The following ROBO1 variants were observed in gnomAD, a reference collection of about 807,000 sequenced individuals.
The protein encoded by ROBO1 is roundabout guidance receptor 1.
A neutral mutation model predicts 195.9 loss-of-function variants in ROBO1; 149 were observed. The ratio of observed to expected loss-of-function variants is 0.76; its 90% CI spans 0.67 to 0.87. The LOEUF (loss-of-function observed/expected upper bound fraction) is 0.87. Among genes scored for constraint, ROBO1 ranks in the 40% least tolerant of loss-of-function variants. The pLI, the probability that ROBO1 is intolerant of heterozygous loss-of-function variation, is 0.00. For missense variants in ROBO1, 1,933 were observed against 2,068.3 expected, an observed-to-expected ratio of 0.93 and a Z score of 1.27; for synonymous variants, 816 against 733.2, an observed-to-expected ratio of 1.11 and a Z score of -1.82.
intron 3 of ROBO1, among the ~76,000 whole-genome samples, chr3:78,970,315 G>A (rs577419651): frequency 9.3e-4 from 141 of 152,082 alleles, no homozygotes; most frequent in South Asian, 5.0e-3. Flanking sequence ...TTCACATAAC[G>A]ATGTCTCCTT....
chr3:79,263,150 T>A (rs1474668711), intron 2 of ROBO1, among the ~76,000 whole-genome samples: 1 of 152,138 alleles, frequency 6.6e-6, no homozygotes, highest in Non-Finnish European at 1.5e-5. Context: ...CTATGAAATC[T>A]GCGCTCTCAA....
intron 2 of ROBO1, among the ~76,000 whole-genome samples, chr3:79,298,144 C>T (rs530991760): frequency 6.6e-6 from 1 of 152,132 alleles, no homozygotes; most frequent in African/African-American, 2.4e-5. Context: ...CTTTTATATA[C>T]CTCTGGGTAG....
intron 25 of ROBO1, 144 bp downstream of exon 25, chr3:78,631,017 C>T (rs920069033): frequency 4.8e-6 from 4 of 836,014 alleles, no homozygotes; most frequent in African/African-American, 3.4e-5. Flanking sequence ...TTACTTCCTG[C>T]TGACCAGCAC....
At chr3:78,837,539 T>C (rs1383114812) in intron 4 of ROBO1, among the ~76,000 whole-genome samples, 1 of 152,128 alleles carries the variant, frequency 6.6e-6, no homozygotes, top group Non-Finnish European at 1.5e-5. Flanking sequence ...GTCAAAATTA[T>C]TTTTTGTTAT....
intron 2 of ROBO1, among the ~76,000 whole-genome samples, chr3:79,417,939 C>T (rs1464452869): frequency 2.0e-5 from 3 of 152,070 alleles, no homozygotes; most frequent in East Asian, 1.9e-4. Flanking sequence ...GAATGTATCA[C>T]GACCAGATTA....
intron 9 of ROBO1, among the ~76,000 whole-genome samples, chr3:78,686,313 T>C (rs1481375767): frequency 1.3e-5 from 2 of 152,008 alleles, no homozygotes; most frequent in Non-Finnish European, 2.9e-5. Context: ...TCCCAGTGCT[T>C]TGGGAGGCCG....
intron 1 of ROBO1, among the ~76,000 whole-genome samples, chr3:79,728,235 T>G (rs1703004052): frequency 1.3e-5 from 2 of 152,098 alleles, no homozygotes; most frequent in African/African-American, 4.8e-5. Context: ...GAAGTTGATA[T>G]AAATGAGCAG....
chr3:79,677,496 A>G (rs1484471769), intron 1 of ROBO1, among the ~76,000 whole-genome samples: 2 of 152,074 alleles, frequency 1.3e-5, no homozygotes, highest in East Asian at 2.0e-4. Context: ...TTTTTAAGCC[A>G]TCAGATGTTA....
intron 3 of ROBO1, among the ~76,000 whole-genome samples, chr3:78,992,681 C>T (rs891314462): frequency 6.6e-6 from 1 of 152,100 alleles, no homozygotes; most frequent in African/African-American, 2.4e-5. Context: ...TACAAATACC[C>T]TTGGAGTTGT....
chr3:78,971,773 G>T (rs1560066216), intron 3 of ROBO1, among the ~76,000 whole-genome samples: 1 of 151,882 alleles, frequency 6.6e-6, no homozygotes, highest in Admixed American at 6.6e-5. Flanking sequence ...TTGTTTGTTT[G>T]TTTGTTTGTT....
chr3:78,745,513 T>G (rs942754216), intron 5 of ROBO1, among the ~76,000 whole-genome samples: 1 of 152,118 alleles, frequency 6.6e-6, no homozygotes, highest in Non-Finnish European at 1.5e-5. Flanking sequence ...TCATTGTACA[T>G]GAATCCAAAA....
At chr3:79,347,525 A>G (rs962872561) in intron 2 of ROBO1, among the ~76,000 whole-genome samples, 3 of 152,224 alleles carry the variant, frequency 2.0e-5, no homozygotes, top group African/African-American at 7.2e-5. Context: ...AAATTAATTA[A>G]TGGATTTAGC....
intron 1 of ROBO1, among the ~76,000 whole-genome samples, chr3:79,609,638 T>C (rs1006964573): frequency 6.6e-6 from 1 of 151,832 alleles, no homozygotes; most frequent in African/African-American, 2.4e-5. Flanking sequence ...AAACAAAATG[T>C]GGTATAACAT....
At chr3:79,247,191 G>A (rs2082641081) in intron 2 of ROBO1, among the ~76,000 whole-genome samples, 1 of 146,638 alleles carries the variant, frequency 6.8e-6, no homozygotes. Flanking sequence ...AACATAGATA[G>A]AATTTTAAAA....
At chr3:79,686,923 C>T (rs1484071088) in intron 1 of ROBO1, among the ~76,000 whole-genome samples, 1 of 152,030 alleles carries the variant, frequency 6.6e-6, no homozygotes, top group East Asian at 1.9e-4. Flanking sequence ...AATCCTGAAC[C>T]AAAAGAACAA....
chr3:78,742,567 A>G lies in ROBO1; in HGVS notation c.657+4176T>C, dbSNP rs575354142. Among the ~76,000 whole-genome samples, 9 of 152,282 alleles carry G rather than the reference A, an allele frequency of 5.9e-5. No individual in the cohort carries two copies. In the South Asian group the frequency reaches 8.3e-4, roughly 14 times the overall value. On this transcript the variant is annotated intron_variant, in intron 5 of 30. Coordinates refer to ENST00000464233, the MANE Select transcript of ROBO1 (RefSeq NM_002941.4). The stretch of plus-strand genomic sequence containing the variant: ...GATTTTTAATGTATTCCTTTTCCCA[A>G]ATGTATAAATGTGCTTTTTACCTCC...
intron 3 of ROBO1, among the ~76,000 whole-genome samples, chr3:79,112,778 G>T (rs576144249): frequency 6.7e-6 from 1 of 148,274 alleles, no homozygotes; most frequent in East Asian, 2.1e-4. Context: ...TGCGGGGAGG[G>T]GGGAGGGATA....
intron 2 of ROBO1, among the ~76,000 whole-genome samples, chr3:79,313,047 G>A (rs1379843677): frequency 6.6e-6 from 1 of 151,572 alleles, no homozygotes; most frequent in Non-Finnish European, 1.5e-5. Flanking sequence ...ATTAGCAGGG[G>A]GCGGTGGTGG....
At chr3:79,045,331 G>A (rs1013921724) in intron 3 of ROBO1, among the ~76,000 whole-genome samples, 1 of 151,920 alleles carries the variant, frequency 6.6e-6, no homozygotes, top group Non-Finnish European at 1.5e-5. Context: ...ATACATTAAA[G>A]TTTTTCTTAA....
Sources: gnomAD v4.1 joint callset for allele counts (sites outside exome capture counted in the v4.1 genomes callset) on GRCh38, gnomAD v4.1.1 for gene constraint, MANE v1.5 for transcripts, NCBI Gene and HGNC (gene_info 2026-07-23, HGNC 2026-07-21) for gene names.